Variants in GPR37 observed in about 807,000 individuals in gnomAD.
The protein encoded by GPR37 is G protein-coupled receptor 37.
Under a neutral mutation model 43.6 loss-of-function variants are expected in GPR37, and 20 were observed. The ratio of observed to expected loss-of-function variants is 0.46; its 90% CI spans 0.32 to 0.67. The LOEUF (loss-of-function observed/expected upper bound fraction) is 0.67, where lower values mean the gene tolerates loss of function less well. Among genes scored for constraint, GPR37 ranks in the 30% least tolerant of loss-of-function variants. The pLI is 0.03. For missense variants in GPR37, 724 were observed against 797.2 expected (o/e 0.91, Z 1.11); for synonymous variants, 315 against 322.6 (o/e 0.98, Z 0.25).
intron 1 of GPR37, among the ~76,000 whole-genome samples, chr7:124,756,248 G>C (rs1167252318): frequency 3.3e-5 from 5 of 152,032 alleles, no homozygotes; most frequent in African/African-American, 1.2e-4. Context: ...CAGAAAAAAA[G>C]AAAAAAGTAA....
In GPR37 at chr7:124,753,036, G is replaced by A. The variant is rs368472822; in HGVS notation, c.1024-5693C>T. On this transcript the variant is annotated intron_variant, in intron 1 of 1. Transcript: ENST00000303921. ...GGAAGGATTGCCATTAGCTTTATAT[G>A]TTACTTTAGTCATTTAGAAAATCAT... 1.1e-3 allele frequency among the ~76,000 whole-genome samples: 166 copies of A among 152,086 alleles called. No homozygotes were observed. In the South Asian group the frequency reaches 0.021, roughly 20 times the overall value.
chr7:124,746,157 C>T lies in GPR37; in HGVS notation c.*368G>A, dbSNP rs891722353. 6.2e-6 allele frequency: 1 copy of T among 161,596 alleles called. No individual in the cohort carries two copies. Among genetic ancestry groups the T allele is most frequent in the Admixed American group, 6.3e-5 (1 of 15,762 alleles). 10.0% of individuals were successfully genotyped at this position (161,596 alleles called of 1,614,324 possible). On this transcript the variant is annotated 3_prime_UTR_variant, in exon 2 of 2. Transcript: ENST00000303921. ...ATATACAACATACTTTCAATCACAA[C>T]TCAAATATAAAATAACCTACAAAAT...
chr7:124,759,197 GT>G (rs1310992159), intron 1 of GPR37, among the ~76,000 whole-genome samples: 1 of 151,800 alleles, frequency 6.6e-6, no homozygotes, highest in Non-Finnish European at 1.5e-5. Context: ...CTCCTGAATG[GT>G]TGGGACTACA....
chr7:124,753,886 G>C (rs1185793063), intron 1 of GPR37, among the ~76,000 whole-genome samples: 1 of 152,016 alleles, frequency 6.6e-6, no homozygotes, highest in African/African-American at 2.4e-5. Context: ...CAGCACCTAT[G>C]CTGTCCAACT....
Position 124,744,395 on chromosome 7 carries a change from A to T in GPR37, c.*2130T>A, listed in dbSNP as rs1370487102. 1 of 152,144 alleles carries T rather than the reference A, an allele frequency of 6.6e-6. No homozygotes were observed. The highest frequency in any genetic ancestry group is 1.9e-4 in the East Asian group (1 of 5,190). The allele number at this position is 152,144 out of a possible 1,614,324, so 9.4% of individuals were successfully genotyped here. On this transcript the variant is annotated 3_prime_UTR_variant, in exon 2 of 2. Transcript: ENST00000303921. ...GATGGCCTTGGTGCATATTTTCTTT[A>T]ATATTTCCCACAAGGCTGCTATGCA... is the stretch of plus-strand genomic sequence containing the variant.
rs1007909820 is a variant in GPR37 at position 124,745,170 on chromosome 7, G to A, written c.*1355C>T. Reference sequence around the variant, plus strand: ...AAAGGAATACTGACTTACTTATGCCGAGTAGAACAGAAATCAACAAGCAGA... The same window carrying A: ...AAAGGAATACTGACTTACTTATGCCAAGTAGAACAGAAATCAACAAGCAGA... On this transcript the variant is annotated 3_prime_UTR_variant, in exon 2 of 2. Transcript: ENST00000303921. 5.9e-5 allele frequency among the ~76,000 whole-genome samples: 9 copies of A among 152,254 alleles called. No homozygotes were observed. The highest frequency in any genetic ancestry group is 2.1e-4 in the South Asian group (1 of 4,824).
chr7:124,746,009 G>T lies in GPR37; in HGVS notation c.*516C>A, dbSNP rs1450472405. 6.6e-6 allele frequency: 1 copy of T among 152,092 alleles called. No individual in the cohort carries two copies. The highest frequency in any genetic ancestry group is 2.4e-5 in the African/African-American group (1 of 41,416). 9.4% of individuals were successfully genotyped at this position (152,092 alleles called of 1,614,324 possible). A position where few individuals can be genotyped will look rare whatever the true frequency, so the allele number is the denominator to read the frequency against. ...ATAGAACCAGTAATTGTATCTTTAAGGCAATTAGAAGATTTATTGAATATT... is the reference window on the plus strand; with the variant it reads ...ATAGAACCAGTAATTGTATCTTTAATGCAATTAGAAGATTTATTGAATATT... On this transcript the variant is annotated 3_prime_UTR_variant, in exon 2 of 2. Transcript: ENST00000303921.
intron 1 of GPR37, among the ~76,000 whole-genome samples, chr7:124,754,198 T>C (rs540203409): frequency 1.3e-5 from 2 of 152,266 alleles, no homozygotes; most frequent in South Asian, 4.1e-4. Flanking sequence ...TTAAAGCAAC[T>C]ATCAGGACCT....
In GPR37 at chr7:124,745,460, G is replaced by T. The variant is rs1562957359; in HGVS notation, c.*1065C>A. Among the ~76,000 whole-genome samples the T allele has an allele frequency of 6.6e-6, 1 of 152,052 alleles. No individual in the cohort carries two copies. Among genetic ancestry groups the T allele is most frequent in the African/African-American group, 2.4e-5 (1 of 41,404 alleles). On this transcript the variant is annotated 3_prime_UTR_variant, in exon 2 of 2. Coordinates refer to ENST00000303921, the MANE Select transcript of GPR37 (RefSeq NM_005302.5). The stretch of plus-strand genomic sequence containing the variant: ...GGTTTTTTTATTCAGAGTTTATGAA[G>T]TATCAAGTTAAAGGTAGAATGTTCT...
intron 1 of GPR37, among the ~76,000 whole-genome samples, chr7:124,759,530 G>GT (rs1562959823): frequency 6.6e-6 from 1 of 152,214 alleles, no homozygotes; most frequent in African/African-American, 2.4e-5. Flanking sequence ...TTTGAGTATA[G>GT]TTTTTTTCTT....
At position 124,745,892 on chromosome 7, in the gene GPR37, ACTG is replaced by A. The variant is rs1171299044; in HGVS notation, c.*630_*632del. ...GTTTTATGAATCATGCATATAAAAT[ACTG>A]CTATTAGAAAAACTTCTTTATAACA... is the stretch of plus-strand genomic sequence containing the variant. On this transcript the variant is annotated 3_prime_UTR_variant, in exon 2 of 2. Transcript: ENST00000303921. 7.9e-5 allele frequency: 12 copies of A among 152,218 alleles called. No homozygotes were observed. The highest frequency in any genetic ancestry group is 2.6e-4 in the Admixed American group (4 of 15,268). 9.4% of individuals were successfully genotyped at this position (152,218 alleles called of 1,614,324 possible).
chr7:124,755,800 TATG>T (rs756609333), intron 1 of GPR37, among the ~76,000 whole-genome samples: 98 of 152,312 alleles, frequency 6.4e-4, no homozygotes, highest in Non-Finnish European at 1.2e-3. Context: ...TTGGTATTAT[TATG>T]ATGTTCCTAG....
Position 124,765,215 on chromosome 7 carries a change from G to C in GPR37, c.-239C>G. 1 of 445,854 alleles carries C rather than the reference G, an allele frequency of 2.2e-6. No individual in the cohort carries two copies. The highest frequency in any genetic ancestry group is 3.5e-5 in the East Asian group (1 of 28,250). The allele number at this position is 445,854 out of a possible 1,614,324, so 27.6% of individuals were successfully genotyped here. A position where few individuals can be genotyped will look rare whatever the true frequency, so the allele number is the denominator to read the frequency against. On this transcript the variant is annotated 5_prime_UTR_variant, in exon 1 of 2. Transcript: ENST00000303921. ...CTCAGCCAAGTTGAGTCCCAGCAAGGTATGCCCTCCAAGGTTCCTAGAGGG... is the reference window on the plus strand; with the variant it reads ...CTCAGCCAAGTTGAGTCCCAGCAAGCTATGCCCTCCAAGGTTCCTAGAGGG...
At chr7:124,756,884 C>T (rs150172121) in intron 1 of GPR37, among the ~76,000 whole-genome samples, 1 of 152,112 alleles carries the variant, frequency 6.6e-6, no homozygotes, top group East Asian at 1.9e-4. Flanking sequence ...GTCCATGCAG[C>T]CTAAATATGA....
intron 1 of GPR37, among the ~76,000 whole-genome samples, chr7:124,759,114 TG>T (rs1260198765): frequency 6.6e-6 from 1 of 151,274 alleles, no homozygotes; most frequent in Admixed American, 6.6e-5. Context: ...TCACCTAGGC[TG>T]GAATGCAGTG....
intron 1 of GPR37, among the ~76,000 whole-genome samples, chr7:124,749,567 G>C (rs117328144): frequency 6.9e-4 from 105 of 152,142 alleles, no homozygotes; most frequent in Middle Eastern, 3.4e-3. Context: ...CCAGAGCTAC[G>C]GCAACTTGCC....
intron 1 of GPR37, among the ~76,000 whole-genome samples, chr7:124,753,353 T>C (rs1340753400): frequency 6.6e-6 from 1 of 152,108 alleles, no homozygotes; most frequent in African/African-American, 2.4e-5. Context: ...TAAGATGCAA[T>C]TGGCTCAATT....
intron 1 of GPR37, among the ~76,000 whole-genome samples, chr7:124,754,500 GA>G (rs1584724993): frequency 3.0e-5 from 4 of 133,084 alleles, no homozygotes. Flanking sequence ...GATGGGAAAA[GA>G]AAAAACGAAA....
At chr7:124,750,299 C>T (rs1793717206) in intron 1 of GPR37, among the ~76,000 whole-genome samples, 1 of 152,128 alleles carries the variant, frequency 6.6e-6, no homozygotes, top group Non-Finnish European at 1.5e-5. Context: ...GGCTTTCGTG[C>T]CATCTTCACT....
Sources: gnomAD v4.1 joint callset for allele counts (sites outside exome capture counted in the v4.1 genomes callset) on GRCh38, gnomAD v4.1.1 for gene constraint, MANE v1.5 for transcripts, NCBI Gene and HGNC (gene_info 2026-07-23, HGNC 2026-07-21) for gene names.